Variants in DOCK2 observed in about 807,000 individuals in gnomAD.
DOCK2 encodes the protein dedicator of cytokinesis 2.
A neutral mutation model predicts 248.9 loss-of-function variants in DOCK2; 87 were observed. The observed-to-expected ratio is 0.35, with a 90% CI of 0.29 to 0.42. DOCK2 has a LOEUF of 0.42. Among genes scored for constraint, DOCK2 ranks in the 10% least tolerant of loss-of-function variants. DOCK2 has a pLI of 1.00. For synonymous variants in DOCK2, 805 were observed against 821.6 expected (o/e 0.98, Z 0.35); for missense variants, 1,747 against 2,300.2 (o/e 0.76, Z 4.92).
intron 27 of DOCK2, among the ~76,000 whole-genome samples, chr5:169,972,137 T>G (rs145879378): frequency 6.6e-6 from 1 of 152,238 alleles, no homozygotes; most frequent in African/African-American, 2.4e-5. Flanking sequence ...TAAGATGTCC[T>G]TTCCCATTCT....
At chr5:169,670,264 G>C (rs1280215613) in intron 3 of DOCK2, among the ~76,000 whole-genome samples, 1 of 152,116 alleles carries the variant, frequency 6.6e-6, no homozygotes, top group African/African-American at 2.4e-5. Flanking sequence ...GGCCATAATG[G>C]GTTGGAGCAT....
chr5:169,800,844 T>G (rs992348420), intron 25 of DOCK2, among the ~76,000 whole-genome samples: 9 of 152,080 alleles, frequency 5.9e-5, no homozygotes, highest in Non-Finnish European at 1.2e-4. Context: ...GGACTCAGCA[T>G]GTGCCCCTGG....
In DOCK2 at chr5:170,039,999, T is replaced by C. The variant is rs533509526; in HGVS notation, c.3666-1056T>C. 3.4e-4 allele frequency among the ~76,000 whole-genome samples: 52 copies of C among 152,312 alleles called. No homozygotes were observed. The South Asian group carries it at 8.1e-3, about 24-fold the overall frequency. On this transcript the variant is annotated intron_variant, in intron 36 of 51. Coordinates refer to ENST00000520908, the MANE Select transcript of DOCK2 (RefSeq NM_004946.3). ...TCCAACGGTGGCAGGAGAGAATGTT[T>C]TGTAGAGGAATCTAGTTCACAGTGA...
At position 170,057,648 on chromosome 5, in the gene DOCK2, G is replaced by A. The variant is rs762157854; in HGVS notation, c.4449G>A (p.Glu1483=). ...TGCCGGGGATCCTGCGCTGGTTTGA[G>A]GTGGTGCACATGTCGCAGGTGAGTC... ...YKLPGILRWF[E]VVHMSQTTIS... Residue 1483 remains glutamate, a synonymous_variant, in exon 44 of 52, where the codon GAG becomes GAA. Transcript: ENST00000520908. 2.0e-5 allele frequency: 32 copies of A among 1,612,750 alleles called. No individual in the cohort carries two copies. The highest frequency in any genetic ancestry group is 2.4e-5 in the Non-Finnish European group (28 of 1,179,162).
chr5:169,875,574 G>A (rs1772276638), intron 27 of DOCK2: 2 of 231,596 alleles, frequency 8.6e-6, no homozygotes, highest in Non-Finnish European at 1.8e-5. Context: ...GAATAATTGT[G>A]CAAGTGCCTC....
intron 22 of DOCK2, among the ~76,000 whole-genome samples, chr5:169,727,366 G>A (rs920779232): frequency 6.6e-6 from 1 of 152,172 alleles, no homozygotes; most frequent in Non-Finnish European, 1.5e-5. Flanking sequence ...AGATGTCGGC[G>A]GGGAGGGATC....
At chr5:169,928,733 A>G (rs942292160) in intron 27 of DOCK2, among the ~76,000 whole-genome samples, 3 of 152,254 alleles carry the variant, frequency 2.0e-5, no homozygotes, top group African/African-American at 7.2e-5. Context: ...ACACCTTCAT[A>G]GAGAACAGTT....
chr5:170,022,964 G>A (rs1361059518), intron 33 of DOCK2, among the ~76,000 whole-genome samples: 1 of 152,206 alleles, frequency 6.6e-6, no homozygotes, highest in Non-Finnish European at 1.5e-5. Context: ...TAGAATAATG[G>A]GGGTTGCTAA....
intron 27 of DOCK2, among the ~76,000 whole-genome samples, chr5:169,942,149 T>G (rs535732751): frequency 6.6e-6 from 1 of 152,248 alleles, no homozygotes; most frequent in African/African-American, 2.4e-5. Context: ...ATTAAGATGT[T>G]GACACCTGAG....
chr5:169,805,560 T>C (rs1317242021), intron 26 of DOCK2, among the ~76,000 whole-genome samples: 3 of 152,236 alleles, frequency 2.0e-5, no homozygotes, highest in Non-Finnish European at 4.4e-5. Context: ...TATAATGTGC[T>C]AATTGTCAAG....
chr5:169,637,332 C>A lies in DOCK2; in HGVS notation c.6C>A (p.Ala2=). The part of the protein sequence containing the change: M[A]PWRKADKERH... ...CGCGAGGCCCCGGCCCAGCCATGGC[C>A]CCCTGGCGCAAAGCTGACAAGGAGC... Residue 2 remains alanine, a synonymous_variant, in exon 1 of 52, where the codon GCC becomes GCA. Coordinates refer to ENST00000520908, the MANE Select transcript of DOCK2 (RefSeq NM_004946.3). 1 of 1,425,496 alleles carries A rather than the reference C, an allele frequency of 7.0e-7. No homozygotes were observed. The highest frequency in any genetic ancestry group is 9.2e-7 in the Non-Finnish European group (1 of 1,091,080). The allele number at this position is 1,425,496 out of a possible 1,614,324, so 88.3% of individuals were successfully genotyped here.
At chr5:169,788,970 T>G (rs1015080613) in intron 25 of DOCK2, among the ~76,000 whole-genome samples, 2 of 152,186 alleles carry the variant, frequency 1.3e-5, no homozygotes, top group African/African-American at 4.8e-5. Flanking sequence ...TTAGCTATTT[T>G]TCCTGATCCT....
chr5:169,979,868 A>G (rs1033002751), intron 27 of DOCK2, among the ~76,000 whole-genome samples: 3 of 152,180 alleles, frequency 2.0e-5, no homozygotes, highest in African/African-American at 7.2e-5. Flanking sequence ...TTTTTTTCAT[A>G]AAACAGCCAC....
chr5:169,870,363 GA>G lies in DOCK2; in HGVS notation c.2799+29513del, dbSNP rs1771876986. ...AGAGCCCCAAGTCATGACTTGGCTG[GA>G]AGAAGAAACAGTGAGTAACAAATAG... On this transcript the variant is annotated intron_variant, in intron 27 of 51. Coordinates refer to ENST00000520908, the MANE Select transcript of DOCK2 (RefSeq NM_004946.3). Among the ~76,000 whole-genome samples, 2 of 152,158 alleles carry G rather than the reference GA, an allele frequency of 1.3e-5. 1 individual carries two copies. The highest frequency in any genetic ancestry group is 4.1e-4 in the South Asian group (2 of 4,834).
chr5:170,037,321 C>T (rs1756353963), intron 36 of DOCK2, among the ~76,000 whole-genome samples: 1 of 151,588 alleles, frequency 6.6e-6, no homozygotes, highest in Non-Finnish European at 1.5e-5. Context: ...CTTTTTCTAA[C>T]TTGACAAGAA....
intron 19 of DOCK2, among the ~76,000 whole-genome samples, chr5:169,715,473 G>A (rs1042558149): frequency 2.0e-5 from 3 of 152,134 alleles, no homozygotes; most frequent in Non-Finnish European, 4.4e-5. Context: ...CATCTACCTC[G>A]TTCAGCAATG....
intron 27 of DOCK2, among the ~76,000 whole-genome samples, chr5:169,973,976 G>T (rs1359460697): frequency 1.3e-5 from 2 of 152,102 alleles, no homozygotes; most frequent in Non-Finnish European, 2.9e-5. Flanking sequence ...AATATTCAAG[G>T]TTAATTCAGC....
chr5:169,670,579 T>C lies in DOCK2; in HGVS notation c.206T>C (p.Val69Ala). 1 of 1,614,150 alleles carries C rather than the reference T, an allele frequency of 6.2e-7. No homozygotes were observed. Among genetic ancestry groups the C allele is most frequent in the Non-Finnish European group, 8.5e-7 (1 of 1,180,012 alleles). Residue 69 changes from valine (V) to alanine (A), a missense_variant, in exon 4 of 52, where the codon GTG (valine) becomes GCG (alanine). Physicochemically the swap from Val to Ala is moderately conservative, Grantham distance 64. This residue lies in a region of DOCK2 where 375 missense variants were observed against 510.9 expected (regional missense o/e 0.73). Coordinates refer to ENST00000520908, the MANE Select transcript of DOCK2 (RefSeq NM_004946.3). ...AAGTCATTTATCCACATCAAGGAAGTGACAGTTGAGAAAAGAAGGTATTTG... is the reference window on the plus strand; with the variant it reads ...AAGTCATTTATCCACATCAAGGAAGCGACAGTTGAGAAAAGAAGGTATTTG... ...FPKSFIHIKE[V>A]TVEKRRNTEN...
intron 27 of DOCK2, among the ~76,000 whole-genome samples, chr5:169,951,247 A>C (rs191237989): frequency 5.9e-5 from 9 of 152,296 alleles, no homozygotes; most frequent in African/African-American, 2.2e-4. Flanking sequence ...TACCTTCCCT[A>C]GTGTGGACAG....
Sources: gnomAD v4.1 joint callset for allele counts (sites outside exome capture counted in the v4.1 genomes callset) on GRCh38, gnomAD v4.1.1 for gene constraint, gnomAD v4.1.1 regional missense constraint, MANE v1.5 for transcripts, NCBI Gene and HGNC (gene_info 2026-07-23, HGNC 2026-07-21) for gene names.